GLMN: variants seen among roughly 807,000 people sequenced by gnomAD.
GLMN encodes the protein glomulin, FKBP associated protein.
In GLMN, 75 loss-of-function variants were observed where a neutral mutation model predicts 87.8. The observed-to-expected ratio is 0.85, with a 90% CI of 0.71 to 1.04. The LOEUF is 1.04. Ranked by LOEUF, GLMN falls within the 50% of genes least tolerant of loss-of-function variation. GLMN has a pLI of 0.00. For synonymous variants in GLMN, 206 were observed against 221.6 expected (o/e 0.93, Z 0.63); for missense variants, 588 against 658.8 (o/e 0.89, Z 1.18).
intron 16 of GLMN, among the ~76,000 whole-genome samples, chr1:92,254,856 T>C (rs912553775): frequency 3.3e-5 from 5 of 152,104 alleles, no homozygotes; most frequent in Admixed American, 6.6e-5. Flanking sequence ...GCATAACTAA[T>C]TGGCAAAATA....
intron 16 of GLMN, among the ~76,000 whole-genome samples, chr1:92,261,830 T>C (rs891128513): frequency 6.6e-5 from 10 of 151,938 alleles, no homozygotes; most frequent in African/African-American, 2.4e-4. Flanking sequence ...GACGGAGTGA[T>C]AGACAGAGGG....
At chr1:92,251,300 A>G (rs770220236) in intron 16 of GLMN, among the ~76,000 whole-genome samples, 1 of 152,204 alleles carries the variant, frequency 6.6e-6, no homozygotes, top group Non-Finnish European at 1.5e-5. Context: ...ATAGAGTCCA[A>G]AAATAGACCC....
the GLMN span, among the ~76,000 whole-genome samples, chr1:92,362,967 A>C: frequency 6.6e-6 from 1 of 152,222 alleles, no homozygotes; most frequent in Non-Finnish European, 1.5e-5. Flanking sequence ...AACATATAAA[A>C]TTAAGTGCCA....
chr1:92,363,756 TC>T, the GLMN span: 2 of 353,560 alleles, frequency 5.7e-6, no homozygotes, highest in East Asian at 8.3e-5. Context: ...ATGATCTACT[TC>T]CACTTAATGA....
At chr1:92,364,987 A>C in the GLMN span, among the ~76,000 whole-genome samples, 1 of 152,072 alleles carries the variant, frequency 6.6e-6, no homozygotes, top group Non-Finnish European at 1.5e-5. Flanking sequence ...TTTCCCTTTT[A>C]TGTCTTCACA....
At chr1:92,331,391 A>G in the GLMN span, among the ~76,000 whole-genome samples, 5 of 152,030 alleles carry the variant, frequency 3.3e-5, no homozygotes, top group Admixed American at 3.3e-4. Flanking sequence ...TCCTCTTTCT[A>G]TGTGTCCCAC....
At chr1:92,357,931 G>A in the GLMN span, among the ~76,000 whole-genome samples, 6 of 152,122 alleles carry the variant, frequency 3.9e-5, no homozygotes, top group Non-Finnish European at 8.8e-5. Context: ...TCATTTGCTC[G>A]TTTGTTTGTT....
the GLMN span, among the ~76,000 whole-genome samples, chr1:92,348,224 C>G: frequency 1.3e-5 from 2 of 152,202 alleles, no homozygotes; most frequent in East Asian, 3.9e-4. Flanking sequence ...GCAGTAAACA[C>G]TATTTGCTTT....
chr1:92,325,888 T>C, the GLMN span, among the ~76,000 whole-genome samples: 1 of 152,206 alleles, frequency 6.6e-6, no homozygotes. Context: ...TTCATTCTTT[T>C]ATTGCTGTAT....
the GLMN span, chr1:92,333,541 G>A: frequency 9.6e-7 from 1 of 1,037,126 alleles, no homozygotes; most frequent in Non-Finnish European, 1.5e-6. Context: ...AGCTCATAAT[G>A]TGTAAGTATT....
intron 6 of GLMN, 147 bp downstream of exon 6, chr1:92,288,767 C>T: frequency 1.5e-6 from 1 of 658,696 alleles, no homozygotes; most frequent in Non-Finnish European, 2.7e-6. Flanking sequence ...AGTTCCCATG[C>T]TGTATCAACT....
At chr1:92,248,551 G>C (rs928737145) in intron 16 of GLMN, 1 of 152,220 alleles carries the variant, frequency 6.6e-6, no homozygotes, top group Non-Finnish European at 1.5e-5. Context: ...AGTACTAATG[G>C]AGAGGACTCA....
At chr1:92,259,936 T>C (rs1433883156) in intron 16 of GLMN, among the ~76,000 whole-genome samples, 1 of 151,884 alleles carries the variant, frequency 6.6e-6, no homozygotes, top group African/African-American at 2.4e-5. Context: ...GGGGTTTCAC[T>C]GTGTTAGCCA....
the GLMN span, among the ~76,000 whole-genome samples, chr1:92,351,430 T>C: frequency 1.3e-5 from 2 of 151,764 alleles, no homozygotes; most frequent in African/African-American, 4.8e-5. Flanking sequence ...TTACCCACAA[T>C]ATAAGAAACC....
chr1:92,305,513 T>C, the GLMN span, among the ~76,000 whole-genome samples: 1 of 143,902 alleles, frequency 6.9e-6, no homozygotes, highest in Non-Finnish European at 1.5e-5. Flanking sequence ...TGGAAAATTA[T>C]AGGCCAAAGA....
the GLMN span, among the ~76,000 whole-genome samples, chr1:92,304,533 G>T: frequency 6.6e-6 from 1 of 152,142 alleles, no homozygotes; most frequent in South Asian, 2.1e-4. Flanking sequence ...TTCAATCAAG[G>T]TATTAAAAAT....
At chr1:92,325,439 A>G in the GLMN span, among the ~76,000 whole-genome samples, 1 of 152,150 alleles carries the variant, frequency 6.6e-6, no homozygotes, top group African/African-American at 2.4e-5. Flanking sequence ...TAGGAGAAAC[A>G]TTGATCTCTG....
At chr1:92,256,471 A>T (rs891810795) in intron 16 of GLMN, among the ~76,000 whole-genome samples, 3 of 152,256 alleles carry the variant, frequency 2.0e-5, no homozygotes, top group African/African-American at 7.2e-5. Context: ...TTTCAGGCCA[A>T]TATCCCTGAT....
In GLMN at chr1:92,286,602, A is replaced by T. The variant is rs1415652795; in HGVS notation, c.633-10T>A. The T allele has an allele frequency of 3.0e-6, 4 of 1,315,136 alleles. No individual in the cohort carries two copies. The highest frequency in any genetic ancestry group is 4.4e-6 in the Non-Finnish European group (4 of 907,930). 81.5% of individuals were successfully genotyped at this position (1,315,136 alleles called of 1,614,324 possible). ...CAAGCTTTTGAAACAACTAAGGCAT[A>T]AGAAATAGGTAACTATGAAATCAAC... On this transcript the variant is annotated splice_polypyrimidine_tract_variant and intron_variant, in intron 6 of 18. Transcript: ENST00000370360.
Sources: allele counts gnomAD v4.1 joint callset (sites outside exome capture counted in the v4.1 genomes callset), GRCh38; gene constraint gnomAD v4.1.1; transcripts MANE v1.5; gene names NCBI Gene and HGNC (gene_info 2026-07-23, HGNC 2026-07-21).